UBE2E2: variants seen among roughly 807,000 people sequenced by gnomAD.
The protein encoded by UBE2E2 is ubiquitin-conjugating enzyme E2 E2.
A neutral mutation model predicts 24.7 loss-of-function variants in UBE2E2; 6 were observed. That is an observed-to-expected ratio of 0.24 (90% CI 0.13 to 0.48). UBE2E2 has a LOEUF of 0.48. Among genes scored for constraint, UBE2E2 ranks in the 20% least tolerant of loss-of-function variants. UBE2E2 has a pLI of 0.99. For missense variants in UBE2E2, 169 were observed against 245.0 expected (o/e 0.69, Z 2.07); for synonymous variants, 104 against 83.6 (o/e 1.24, Z -1.33).
chr3:23,336,211 A>G (rs1695206011), intron 3 of UBE2E2, among the ~76,000 whole-genome samples: 1 of 152,212 alleles, frequency 6.6e-6, no homozygotes, highest in Admixed American at 6.5e-5. Flanking sequence ...GCAAGGAAAT[A>G]ATAATTGTAC....
At chr3:23,285,653 G>A (rs1317245532) in intron 3 of UBE2E2, among the ~76,000 whole-genome samples, 1 of 152,168 alleles carries the variant, frequency 6.6e-6, no homozygotes, top group African/African-American at 2.4e-5. Flanking sequence ...TCATATGGCT[G>A]TTTGCCATTT....
At chr3:23,511,589 C>T (rs1219995619) in intron 4 of UBE2E2, among the ~76,000 whole-genome samples, 1 of 152,048 alleles carries the variant, frequency 6.6e-6, no homozygotes, top group Non-Finnish European at 1.5e-5. Context: ...ATGATCTCAC[C>T]TAGAGAAATG....
At chr3:23,332,675 GTGTGTGTGTGTGTGTGTGTGT>G (rs1695093252) in intron 3 of UBE2E2, among the ~76,000 whole-genome samples, 2 of 106,466 alleles carry the variant, frequency 1.9e-5, no homozygotes, top group South Asian at 3.2e-4. Context: ...AGCCAGTGGG[GTGTGTGTGTGTGTGTGTGTGT>G]GTGTGTGTGT....
intron 3 of UBE2E2, among the ~76,000 whole-genome samples, chr3:23,266,146 C>A (rs1217222129): frequency 1.3e-5 from 2 of 152,196 alleles, no homozygotes; most frequent in Admixed American, 6.5e-5. Flanking sequence ...GTCCATTTAC[C>A]TTTAAAGTTA....
At chr3:23,563,045 AG>A (rs1231046667) in intron 5 of UBE2E2, among the ~76,000 whole-genome samples, 1 of 152,052 alleles carries the variant, frequency 6.6e-6, no homozygotes, top group Non-Finnish European at 1.5e-5. Flanking sequence ...GATTTTTTGA[AG>A]GGTTTTTTGT....
rs542436039 is a variant in UBE2E2, at chr3:23,530,911, C to T, written c.361-1643C>T. On this transcript the variant is annotated intron_variant, in intron 4 of 5. Transcript: ENST00000396703. Reference sequence around the variant, plus strand: ...TGGCAGGTGCAGTCTCAGCTTGTTGCGCTTACTATAATTTTTGGTTTTTAA... The same window carrying T: ...TGGCAGGTGCAGTCTCAGCTTGTTGTGCTTACTATAATTTTTGGTTTTTAA... Among the ~76,000 whole-genome samples, 22 of 152,186 alleles carry T rather than the reference C, an allele frequency of 1.4e-4. No homozygotes were observed. The South Asian group carries it at 2.7e-3, about 19-fold the overall frequency.
intron 3 of UBE2E2, among the ~76,000 whole-genome samples, chr3:23,334,327 A>T (rs1458127962): frequency 6.6e-6 from 1 of 152,088 alleles, no homozygotes; most frequent in East Asian, 1.9e-4. Context: ...GATTATGAGA[A>T]GACTTTCAAG....
rs573237938 is a variant in UBE2E2 at position 23,507,450 on chromosome 3, A to T, written c.360+7710A>T. 4.6e-5 allele frequency among the ~76,000 whole-genome samples: 7 copies of T among 152,348 alleles called. No individual in the cohort carries two copies. The East Asian group carries it at 1.3e-3, about 29-fold the overall frequency. On this transcript the variant is annotated intron_variant, in intron 4 of 5. Transcript: ENST00000396703. The stretch of plus-strand genomic sequence containing the variant: ...CACTCCTTTAATCTCATCCATGTAG[A>T]ACAATACCTGGTGATTCAGTAGGCA...
At chr3:23,403,794 T>G (rs1382934167) in intron 3 of UBE2E2, among the ~76,000 whole-genome samples, 24 of 129,834 alleles carry the variant, frequency 1.8e-4, no homozygotes, top group Non-Finnish European at 2.2e-4. Context: ...GGCGACAAAG[T>G]GAGATTCCGT....
Position 23,509,848 on chromosome 3 carries a change from A to T in UBE2E2, c.360+10108A>T, listed in dbSNP as rs184046453. Among the ~76,000 whole-genome samples the T allele has an allele frequency of 9.4e-3, 1,419 of 150,364 alleles. 9 individuals are homozygous for T. The highest frequency in any genetic ancestry group is 0.017 in the Middle Eastern group (5 of 290). On this transcript the variant is annotated intron_variant, in intron 4 of 5. Coordinates refer to ENST00000396703, the MANE Select transcript of UBE2E2 (RefSeq NM_152653.4). ...CAGTGTTTGGTTTTTTGTCCTTGTG[A>T]TAGTTTGCTGAGAATGATGGTTTCC...
At chr3:23,316,302 C>G (rs1694576566) in intron 3 of UBE2E2, among the ~76,000 whole-genome samples, 1 of 152,034 alleles carries the variant, frequency 6.6e-6, no homozygotes, top group African/African-American at 2.4e-5. Flanking sequence ...TGTGCTACTG[C>G]ACCTGAGCTG....
chr3:23,316,969 G>A (rs892058615), intron 3 of UBE2E2, among the ~76,000 whole-genome samples: 4 of 152,098 alleles, frequency 2.6e-5, no homozygotes, highest in Non-Finnish European at 5.9e-5. Context: ...GACTGAGCTG[G>A]TATCCAAGTT....
chr3:23,236,068 G>A (rs1432973072), intron 3 of UBE2E2, among the ~76,000 whole-genome samples: 2 of 152,072 alleles, frequency 1.3e-5, no homozygotes, highest in African/African-American at 4.8e-5. Flanking sequence ...TCAGAAATGG[G>A]TGAACTAGCA....
chr3:23,474,539 G>A lies in UBE2E2; in HGVS notation c.228-25069G>A, dbSNP rs990186464. Among the ~76,000 whole-genome samples, 1 of 152,024 alleles carries A rather than the reference G, an allele frequency of 6.6e-6. No individual in the cohort carries two copies. Among genetic ancestry groups the A allele is most frequent in the African/African-American group, 2.4e-5 (1 of 41,310 alleles). Reference sequence around the variant, plus strand: ...TATAATTTTGGAATTTATTGTTGAAGGGGGCTTTGGTGATATCTAATCCAC... The same window carrying A: ...TATAATTTTGGAATTTATTGTTGAAAGGGGCTTTGGTGATATCTAATCCAC... On this transcript the variant is annotated intron_variant, in intron 3 of 5. Transcript: ENST00000396703. The surrounding 1 kb of genome is among the most constrained non-coding windows in gnomAD (Gnocchi z 4.0).
At chr3:23,266,257 T>G (rs1267001805) in intron 3 of UBE2E2, among the ~76,000 whole-genome samples, 1 of 152,220 alleles carries the variant, frequency 6.6e-6, no homozygotes, top group South Asian at 2.1e-4. Flanking sequence ...GTCTTTACAA[T>G]TTGGCATGAT....
At chr3:23,458,369 C>T (rs1698726619) in intron 3 of UBE2E2, among the ~76,000 whole-genome samples, 1 of 117,284 alleles carries the variant, frequency 8.5e-6, no homozygotes, top group Non-Finnish European at 1.6e-5. Context: ...CTAACATCAA[C>T]AATCACTGAT....
At chr3:23,450,635 A>G (rs1170738016) in intron 3 of UBE2E2, among the ~76,000 whole-genome samples, 2 of 152,196 alleles carry the variant, frequency 1.3e-5, no homozygotes, top group Non-Finnish European at 2.9e-5. Flanking sequence ...TAGTTACCTT[A>G]TGATATTAAG....
chr3:23,500,725 C>G (rs1315941906), intron 4 of UBE2E2, among the ~76,000 whole-genome samples: 2 of 152,146 alleles, frequency 1.3e-5, no homozygotes, highest in African/African-American at 4.8e-5. Context: ...CCTGCTCTTC[C>G]TTTCTTCCTT....
intron 5 of UBE2E2, among the ~76,000 whole-genome samples, chr3:23,559,704 G>C (rs978647370): frequency 2.6e-5 from 4 of 152,012 alleles, no homozygotes; most frequent in African/African-American, 7.3e-5. Context: ...TTTAAGTCTG[G>C]TTAAAATATT....
Sources: gnomAD v4.1 joint callset for allele counts (sites outside exome capture counted in the v4.1 genomes callset) on GRCh38, gnomAD v4.1.1 for gene constraint, Gnocchi (gnomAD v3.1) non-coding constraint, MANE v1.5 for transcripts, NCBI Gene and HGNC (gene_info 2026-07-23, HGNC 2026-07-21) for gene names.